Variants in CHAF1A observed in about 807,000 individuals in gnomAD.
CHAF1A encodes chromatin assembly factor 1 subunit A, also known as CAF-1 subunit A.
A neutral mutation model predicts 93.2 loss-of-function variants in CHAF1A; 5 were observed. The observed-to-expected ratio is 0.05, with a 90% CI of 0.03 to 0.11. The LOEUF (loss-of-function observed/expected upper bound fraction) is 0.11. Ranked by LOEUF, CHAF1A falls within the 10% of genes least tolerant of loss-of-function variation. CHAF1A has a pLI of 1.00. For synonymous variants in CHAF1A, 504 were observed against 510.3 expected (o/e 0.99, Z 0.17); for missense variants, 1,102 against 1,259.9 (o/e 0.87, Z 1.90).
At chr19:4,436,489 T>G (rs1444826562) in intron 13 of CHAF1A, among the ~76,000 whole-genome samples, 2 of 152,238 alleles carry the variant, frequency 1.3e-5, no homozygotes, top group African/African-American at 2.4e-5. Flanking sequence ...GGATGCATTC[T>G]TTGTTCAAGC....
chr19:4,422,494 C>G lies in CHAF1A; in HGVS notation c.1018-72C>G, dbSNP rs1974007768. The G allele has an allele frequency of 7.3e-7, 1 of 1,367,560 alleles. No individual in the cohort carries two copies. Among genetic ancestry groups the G allele is most frequent in the Middle Eastern group, 2.4e-4 (1 of 4,238 alleles). The allele number at this position is 1,367,560 out of a possible 1,614,324, so 84.7% of individuals were successfully genotyped here. A position where few individuals can be genotyped will look rare whatever the true frequency, so the allele number is the denominator to read the frequency against. ...ATCCCGTCCAGGCCGTGCTGTCCTC[C>G]ATGCTGTGAACCGAGCTTCCTCCTG... On this transcript the variant is annotated intron_variant, in intron 4 of 14. Transcript: ENST00000301280. This position sits in a 1 kb window ranked among gnomAD's most constrained non-coding sequence, Gnocchi z 4.6.
rs1469857343 is a variant in CHAF1A at position 4,422,291 on chromosome 19, G to A, written c.1018-275G>A. Among the ~76,000 whole-genome samples, 4 of 151,786 alleles carry A rather than the reference G, an allele frequency of 2.6e-5. No individual in the cohort carries two copies. The highest frequency in any genetic ancestry group is 5.9e-5 in the Non-Finnish European group (4 of 68,014). On this transcript the variant is annotated intron_variant, in intron 4 of 14. Coordinates refer to ENST00000301280, the MANE Select transcript of CHAF1A (RefSeq NM_005483.3). This position sits in a 1 kb window ranked among gnomAD's most constrained non-coding sequence, Gnocchi z 4.6. ...GGCCTCCCAAAGTGCTGGGATTACA[G>A]GCGTGAACCACCGCGCGCAGCCAAT...
At chr19:4,404,224 G>A (rs751381853) in intron 1 of CHAF1A, among the ~76,000 whole-genome samples, 7 of 152,308 alleles carry the variant, frequency 4.6e-5, no homozygotes, top group South Asian at 2.1e-4. Context: ...GGATGTAATC[G>A]CAGAATAAAG....
intron 13 of CHAF1A, among the ~76,000 whole-genome samples, chr19:4,441,639 G>A (rs1423806615): frequency 6.6e-6 from 1 of 151,244 alleles, no homozygotes; most frequent in African/African-American, 2.4e-5. Context: ...AGGCATGGTG[G>A]CTCACACCTG....
downstream of CHAF1A, chr19:4,446,664 G>A (rs776229378): frequency 5.6e-5 from 90 of 1,612,024 alleles, no homozygotes; most frequent in Non-Finnish European, 7.4e-5. Flanking sequence ...GCCTCTCCAG[G>A]CTCTGGGGCT....
chr19:4,434,156 G>A (rs1203510148), intron 13 of CHAF1A, among the ~76,000 whole-genome samples: 1 of 151,914 alleles, frequency 6.6e-6, no homozygotes, highest in African/African-American at 2.4e-5. Flanking sequence ...AGACCAGCCT[G>A]GGCAACATGG....
chr19:4,416,103 G>A (rs1346461168), intron 3 of CHAF1A, among the ~76,000 whole-genome samples: 1 of 152,142 alleles, frequency 6.6e-6, no homozygotes, highest in African/African-American at 2.4e-5. Context: ...GAACCCGGGA[G>A]GCGGAGCTTG....
chr19:4,405,844 C>A, intron 1 of CHAF1A, 68 bp from the exon 2 acceptor site: 1 of 1,403,712 alleles, frequency 7.1e-7, no homozygotes, highest in Non-Finnish European at 1.0e-6. Context: ...ATTGGCTCTA[C>A]ATATGTATTT....
intron 3 of CHAF1A, among the ~76,000 whole-genome samples, chr19:4,413,067 T>A (rs779898121): frequency 5.3e-5 from 8 of 152,066 alleles, no homozygotes; most frequent in Non-Finnish European, 8.8e-5. Flanking sequence ...GGTACCTAAC[T>A]CTTTTTTATT....
chr19:4,432,246 G>T, intron 12 of CHAF1A, 39 bp downstream of exon 12: 1 of 1,557,372 alleles, frequency 6.4e-7, no homozygotes. Flanking sequence ...CCTGTTCCTG[G>T]GCCCAGCTAA....
intron 2 of CHAF1A, among the ~76,000 whole-genome samples, chr19:4,408,461 C>CTTGTTTTTTTTTTTTTT: frequency 2.8e-5 from 1 of 36,020 alleles, no homozygotes; most frequent in African/African-American, 1.7e-4. Context: ...CGCACCCGGC[C>CTTGTTTTTTTTTTTTTT]TTTTTTTTTT....
intron 12 of CHAF1A, among the ~76,000 whole-genome samples, chr19:4,432,545 G>T (rs989771161): frequency 1.3e-5 from 2 of 152,066 alleles, no homozygotes; most frequent in Admixed American, 1.3e-4. Flanking sequence ...AGGATCGCTT[G>T]AGCCTAGTGC....
At chr19:4,418,661 C>T (rs1386138700) in intron 4 of CHAF1A, among the ~76,000 whole-genome samples, 3 of 152,026 alleles carry the variant, frequency 2.0e-5, no homozygotes, top group Admixed American at 6.6e-5. Context: ...GTGATCCGCC[C>T]GCCTCGGCCT....
chr19:4,448,692 G>T (rs372573234), downstream of CHAF1A: 125 of 485,190 alleles, frequency 2.6e-4, 2 homozygotes, highest in African/African-American at 1.1e-3. Flanking sequence ...CCAGTGTGAC[G>T]CGACAGAACT....
chr19:4,430,914 A>G, intron 11 of CHAF1A: 1 of 456,802 alleles, frequency 2.2e-6, no homozygotes, highest in Non-Finnish European at 4.0e-6. Flanking sequence ...GTGGGTTAGA[A>G]GGCTGGAAAC....
At chr19:4,445,378 G>T, downstream of CHAF1A, 2 of 1,503,462 alleles carry the variant, frequency 1.3e-6, no homozygotes, top group Non-Finnish European at 9.0e-7. Context: ...CGCCCCTCCC[G>T]TGCCCATGGG....
At chr19:4,418,614 A>T (rs1189005137) in intron 4 of CHAF1A, among the ~76,000 whole-genome samples, 1 of 151,530 alleles carries the variant, frequency 6.6e-6, no homozygotes, top group Non-Finnish European at 1.5e-5. Context: ...ACGGGGTTTC[A>T]CCATGTTAGC....
intron 3 of CHAF1A, among the ~76,000 whole-genome samples, chr19:4,417,126 A>C (rs1006024870): frequency 6.6e-6 from 1 of 152,028 alleles, no homozygotes; most frequent in African/African-American, 2.4e-5. Flanking sequence ...TGTGCACCAC[A>C]ACACCCGACT....
intron 3 of CHAF1A, among the ~76,000 whole-genome samples, chr19:4,410,114 C>G (rs1039841435): frequency 3.3e-5 from 5 of 152,174 alleles, no homozygotes; most frequent in Non-Finnish European, 5.9e-5. Context: ...GTCCAGCTTT[C>G]TCTGTGCCCT....
Sources: gnomAD v4.1 joint callset for allele counts (sites outside exome capture counted in the v4.1 genomes callset) on GRCh38, gnomAD v4.1.1 for gene constraint, Gnocchi (gnomAD v3.1) non-coding constraint, MANE v1.5 for transcripts, NCBI Gene and HGNC (gene_info 2026-07-23, HGNC 2026-07-21) for gene names.